VPS37A: variants seen among roughly 807,000 people sequenced by gnomAD.
The protein encoded by VPS37A is VPS37A subunit of ESCRT-I, also known as vacuolar protein sorting-associated protein 37A.
A neutral mutation model predicts 49.8 loss-of-function variants in VPS37A; 30 were observed. That is an observed-to-expected ratio of 0.60 (90% CI 0.45 to 0.82). VPS37A has a LOEUF of 0.82. VPS37A is among the 40% of genes least tolerant of loss of function. The pLI is 0.00. For missense variants in VPS37A, 593 were observed against 464.4 expected (o/e 1.28, Z -2.55); for synonymous variants, 195 against 160.6 (o/e 1.21, Z -1.62).
At chr8:17,301,554 A>C (rs1817113472), downstream of VPS37A, 1 of 152,258 alleles carries the variant, frequency 6.6e-6, no homozygotes, top group African/African-American at 2.4e-5. Flanking sequence ...TTGACTTTGT[A>C]ATAAGGAAGA....
At position 17,284,476 on chromosome 8, in the gene VPS37A, T is replaced by G. The variant is rs1384175331; in HGVS notation, c.973T>G (p.Cys325Gly). The change falls in exon 10 of 12, where the codon TGT becomes GGT. Residue 325 changes from cysteine (C) to glycine (G), a missense_variant. Coordinates refer to ENST00000324849, the MANE Select transcript of VPS37A (RefSeq NM_152415.3). ...AGTGCCTGATTTTCTTTTTCAGAGCTGTAGTGCAAGTGCCCTTCAGGCAAG... is the reference window on the plus strand; with the variant it reads ...AGTGCCTGATTTTCTTTTTCAGAGCGGTAGTGCAAGTGCCCTTCAGGCAAG... ...MQRQHELSESCSASALQARLK... is the reference protein window; with the variant it reads ...MQRQHELSESGSASALQARLK... The G allele has an allele frequency of 6.4e-7, 1 of 1,572,620 alleles. No individual in the cohort carries two copies. Among genetic ancestry groups the G allele is most frequent in the Non-Finnish European group, 8.6e-7 (1 of 1,167,710 alleles).
chr8:17,274,278 G>A (rs933879788), intron 4 of VPS37A, among the ~76,000 whole-genome samples: 8 of 152,002 alleles, frequency 5.3e-5, no homozygotes, highest in African/African-American at 1.2e-4. Context: ...ATTTTACTTC[G>A]AAATTTTCTA....
intron 1 of VPS37A, among the ~76,000 whole-genome samples, chr8:17,261,713 G>A (rs376156738): frequency 2.0e-5 from 3 of 152,188 alleles, no homozygotes; most frequent in Admixed American, 2.0e-4. Context: ...AGTACCTGGA[G>A]CAGTGCCCAT....
downstream of VPS37A, chr8:17,298,491 A>G (rs1410718477): frequency 1.3e-5 from 2 of 152,628 alleles, no homozygotes; most frequent in East Asian, 1.9e-4. Context: ...GAGATCAGCA[A>G]TGTTGCTTTC....
chr8:17,293,596 A>G (rs1317003613), intron 11 of VPS37A, among the ~76,000 whole-genome samples: 1 of 152,016 alleles, frequency 6.6e-6, no homozygotes, highest in African/African-American at 2.4e-5. Context: ...TCATGGATTT[A>G]TCTACCTTTG....
intron 1 of VPS37A, among the ~76,000 whole-genome samples, chr8:17,254,664 A>C (rs1266526263): frequency 6.6e-6 from 1 of 150,788 alleles, no homozygotes; most frequent in East Asian, 1.9e-4. Context: ...CCTTTCTTAC[A>C]TGTAATCCTT....
chr8:17,299,135 CA>C (rs1816932137), downstream of VPS37A: 1 of 152,122 alleles, frequency 6.6e-6, no homozygotes, highest in African/African-American at 2.4e-5. Context: ...TATGTAAGAC[CA>C]GGAGAATGAA....
downstream of VPS37A, among the ~76,000 whole-genome samples, chr8:17,307,117 A>G (rs1462773602): frequency 6.6e-6 from 1 of 152,206 alleles, no homozygotes; most frequent in Non-Finnish European, 1.5e-5. Context: ...ACAAAATGGG[A>G]GAAAATTTTT....
At chr8:17,284,368 G>C (rs1356148272) in intron 9 of VPS37A, 105 bp from the exon 10 acceptor site, 2 of 1,313,308 alleles carry the variant, frequency 1.5e-6, no homozygotes, top group Non-Finnish European at 2.0e-6. Context: ...GGCTATATAG[G>C]GCATATAATA....
At chr8:17,300,442 G>T (rs148463015), downstream of VPS37A, among the ~76,000 whole-genome samples, 10 of 152,228 alleles carry the variant, frequency 6.6e-5, no homozygotes, top group East Asian at 1.9e-3. Context: ...CTTGACATAG[G>T]TTTTCTATAA....
At chr8:17,260,797 A>C (rs976797104) in intron 1 of VPS37A, among the ~76,000 whole-genome samples, 2 of 151,518 alleles carry the variant, frequency 1.3e-5, no homozygotes, top group African/African-American at 4.9e-5. Context: ...ATGTTGTTCC[A>C]CTCCCTTCTG....
chr8:17,264,912 T>C (rs1271599746), intron 1 of VPS37A, among the ~76,000 whole-genome samples: 1 of 152,164 alleles, frequency 6.6e-6, no homozygotes, highest in Non-Finnish European at 1.5e-5. Context: ...AATATATGCC[T>C]GCAAATAACA....
At chr8:17,254,886 A>T (rs1013614835) in intron 1 of VPS37A, among the ~76,000 whole-genome samples, 3 of 152,158 alleles carry the variant, frequency 2.0e-5, no homozygotes, top group Non-Finnish European at 4.4e-5. Context: ...TTTAGATAGG[A>T]TGTTTGTCTG....
chr8:17,321,240 C>G, the VPS37A span, among the ~76,000 whole-genome samples: 4 of 152,144 alleles, frequency 2.6e-5, no homozygotes, highest in Admixed American at 6.5e-5. Context: ...TGGCCTGTGC[C>G]AAAAGCAAGA....
chr8:17,307,529 T>C, the VPS37A span, among the ~76,000 whole-genome samples: 4 of 152,126 alleles, frequency 2.6e-5, no homozygotes, highest in African/African-American at 9.7e-5. Context: ...AGCCATCCCA[T>C]TACTGGGTAT....
At chr8:17,267,007 G>A (rs369934128) in intron 2 of VPS37A, among the ~76,000 whole-genome samples, 4 of 152,122 alleles carry the variant, frequency 2.6e-5, no homozygotes, top group South Asian at 2.1e-4. Flanking sequence ...TCCTGACCTC[G>A]TGATACACCC....
At chr8:17,307,975 C>T in the VPS37A span, among the ~76,000 whole-genome samples, 4 of 151,782 alleles carry the variant, frequency 2.6e-5, no homozygotes, top group African/African-American at 9.7e-5. Flanking sequence ...CAACATGGCA[C>T]ATGTATATAT....
intron 1 of VPS37A, among the ~76,000 whole-genome samples, chr8:17,261,976 G>T (rs1813003044): frequency 6.6e-6 from 1 of 152,168 alleles, no homozygotes; most frequent in East Asian, 1.9e-4. Context: ...CTTCTGGTGA[G>T]TTGAGGCAGG....
chr8:17,304,523 T>A (rs1290158589), downstream of VPS37A: 1 of 1,612,628 alleles, frequency 6.2e-7, no homozygotes, highest in Admixed American at 1.7e-5. Context: ...TTGAATCCTG[T>A]TATAAAGAAA....
Sources: gnomAD v4.1 joint callset for allele counts (sites outside exome capture counted in the v4.1 genomes callset) on GRCh38, gnomAD v4.1.1 for gene constraint, MANE v1.5 for transcripts, NCBI Gene and HGNC (gene_info 2026-07-23, HGNC 2026-07-21) for gene names.